Variants in SLC24A3 observed in about 807,000 individuals in gnomAD.
SLC24A3 encodes the protein sodium/potassium/calcium exchanger 3.
Under a neutral mutation model 75.8 loss-of-function variants are expected in SLC24A3, and 28 were observed. The observed-to-expected ratio is 0.37, with a 90% confidence interval of 0.27 to 0.51. The LOEUF (loss-of-function observed/expected upper bound fraction) is 0.51, where lower values mean the gene tolerates loss of function less well. Among genes scored for constraint, SLC24A3 ranks in the 20% least tolerant of loss-of-function variants. The pLI is 0.94. For synonymous variants in SLC24A3, 372 were observed against 334.1 expected, an observed-to-expected ratio of 1.11 and a Z score of -1.24; for missense variants, 663 against 847.8, an observed-to-expected ratio of 0.78 and a Z score of 2.71.
chr20:19,345,383 T>C (rs1985367521), intron 2 of SLC24A3, among the ~76,000 whole-genome samples: 1 of 152,212 alleles, frequency 6.6e-6, no homozygotes, highest in Non-Finnish European at 1.5e-5. Flanking sequence ...ATTTATTTTG[T>C]GGATATCCAC....
At chr20:19,679,835 C>G (rs1317465459) in intron 9 of SLC24A3, among the ~76,000 whole-genome samples, 1 of 151,968 alleles carries the variant, frequency 6.6e-6, no homozygotes, top group Non-Finnish European at 1.5e-5. Flanking sequence ...ATTGGTGGCC[C>G]ATGACTTGCT....
intron 1 of SLC24A3, among the ~76,000 whole-genome samples, chr20:19,223,449 A>G (rs1329721479): frequency 1.3e-5 from 2 of 152,332 alleles, no homozygotes; most frequent in African/African-American, 2.4e-5. Flanking sequence ...TGTTATTTGT[A>G]TGGTAGTCCC....
In SLC24A3 at chr20:19,515,476, T is replaced by C. The variant is rs923136713; in HGVS notation, c.272-12T>C. On this transcript the variant is annotated splice_polypyrimidine_tract_variant and intron_variant, in intron 2 of 16. Coordinates refer to ENST00000328041, the MANE Select transcript of SLC24A3 (RefSeq NM_020689.4). ...ACCTGTGCTGAGACGGTTTTCTTTC[T>C]CTGTTCTTTAGCCCTGCATGAATTC... is the stretch of plus-strand genomic sequence containing the variant. The C allele has an allele frequency of 1.2e-6, 2 of 1,613,980 alleles. No homozygotes were observed. Among genetic ancestry groups the C allele is most frequent in the African/African-American group, 1.3e-5 (1 of 74,936 alleles).
intron 2 of SLC24A3, among the ~76,000 whole-genome samples, chr20:19,478,159 G>T (rs1468885409): frequency 3.9e-5 from 6 of 152,194 alleles, no homozygotes; most frequent in Non-Finnish European, 8.8e-5. Flanking sequence ...AGATGACCTT[G>T]TGTCCCTGGT....
chr20:19,262,556 C>T lies in SLC24A3; in HGVS notation c.143-18403C>T, dbSNP rs147531953. On this transcript the variant is annotated intron_variant, in intron 1 of 16. Coordinates refer to ENST00000328041, the MANE Select transcript of SLC24A3 (RefSeq NM_020689.4). ...GCCACTTACCTCTCCCTGAACCAGTCCCTTTGGTCAAGGAGATGCCATATG... is the reference window on the plus strand; with the variant it reads ...GCCACTTACCTCTCCCTGAACCAGTTCCTTTGGTCAAGGAGATGCCATATG... Among the ~76,000 whole-genome samples, 350 of 152,250 alleles carry T rather than the reference C, an allele frequency of 2.3e-3. 2 individuals are homozygous for T. Among genetic ancestry groups the T allele is most frequent in the African/African-American group, 8.1e-3 (335 of 41,544 alleles).
intron 3 of SLC24A3, among the ~76,000 whole-genome samples, chr20:19,576,549 G>A (rs981872035): frequency 3.9e-5 from 6 of 152,184 alleles, no homozygotes; most frequent in South Asian, 2.1e-4. Flanking sequence ...GGTGCCCAGA[G>A]GTGCTATGTC....
intron 2 of SLC24A3, among the ~76,000 whole-genome samples, chr20:19,499,743 T>C (rs1988355786): frequency 6.6e-6 from 1 of 152,174 alleles, no homozygotes; most frequent in Non-Finnish European, 1.5e-5. Context: ...CCTAGATACT[T>C]GCGTATGCAT....
intron 3 of SLC24A3, among the ~76,000 whole-genome samples, chr20:19,517,800 C>T (rs1273892605): frequency 6.6e-6 from 1 of 152,120 alleles, no homozygotes; most frequent in African/African-American, 2.4e-5. Context: ...GGGAAGAGAC[C>T]CAAGTGGGGC....
intron 13 of SLC24A3, chr20:19,694,615 G>T (rs1366099279): frequency 6.6e-6 from 1 of 152,182 alleles, no homozygotes; most frequent in African/African-American, 2.4e-5. Flanking sequence ...GGGGGACAGT[G>T]TTGGCTGTCC....
intron 6 of SLC24A3, among the ~76,000 whole-genome samples, chr20:19,631,774 CTG>C (rs199635240): frequency 0.031 from 4,342 of 142,052 alleles, 89 homozygotes; most frequent in Non-Finnish European, 0.045. Flanking sequence ...ATCTCTGTAT[CTG>C]TGTGTATGAG....
At chr20:19,717,683 G>A (rs1300197993) in intron 16 of SLC24A3, 90 bp downstream of exon 16, 2 of 1,448,474 alleles carry the variant, frequency 1.4e-6, no homozygotes, top group African/African-American at 2.8e-5. Flanking sequence ...TGGTCTCCTG[G>A]TGACTGGGTA....
intron 2 of SLC24A3, among the ~76,000 whole-genome samples, chr20:19,334,534 C>T (rs1472744368): frequency 6.6e-6 from 1 of 152,064 alleles, no homozygotes; most frequent in Non-Finnish European, 1.5e-5. Context: ...GTAAAGTTGG[C>T]TAGTTTTCAA....
chr20:19,433,921 G>T (rs1318314400), intron 2 of SLC24A3, among the ~76,000 whole-genome samples: 1 of 152,196 alleles, frequency 6.6e-6, no homozygotes, highest in East Asian at 1.9e-4. Flanking sequence ...CCAAAGTGGG[G>T]AGTGAGAGTC....
rs1329325270 is a variant in SLC24A3 at position 19,698,651 on chromosome 20, CA to C, written c.1691del (p.Gln564ArgfsTer13). The C allele has an allele frequency of 6.3e-7, 1 of 1,590,290 alleles. No homozygotes were observed. The highest frequency in any genetic ancestry group is 8.6e-7 in the Non-Finnish European group (1 of 1,166,232). ...LIGLGLPWALQTLAVDYGSYI... is the reference protein window; with the variant it reads ...LIGLGLPWALXTLAVDYGSYI... ...TGGCCTCGGTCTCCCCTGGGCTCTG[CA>C]GACCCTGGCTGTGGATTACGGATCC... On this transcript the variant is annotated frameshift_variant, in exon 15 of 17. Transcript: ENST00000328041. LOFTEE classifies it high-confidence loss of function.
chr20:19,596,691 T>C (rs1249472624), intron 6 of SLC24A3, among the ~76,000 whole-genome samples: 1 of 152,200 alleles, frequency 6.6e-6, no homozygotes, highest in Non-Finnish European at 1.5e-5. Flanking sequence ...CTTCTAGGAC[T>C]TCAGATACGG....
At chr20:19,502,133 A>C (rs1015009748) in intron 2 of SLC24A3, among the ~76,000 whole-genome samples, 1 of 152,112 alleles carries the variant, frequency 6.6e-6, no homozygotes, top group Non-Finnish European at 1.5e-5. Context: ...AAACCTCCCC[A>C]AGGTGTGTAG....
intron 2 of SLC24A3, among the ~76,000 whole-genome samples, chr20:19,394,421 A>G (rs906810719): frequency 6.6e-6 from 1 of 152,170 alleles, no homozygotes; most frequent in Non-Finnish European, 1.5e-5. Context: ...TGAAAAGGCA[A>G]CCTACAGAGT....
chr20:19,380,116 G>A (rs6046031), intron 2 of SLC24A3, among the ~76,000 whole-genome samples: 4,247 of 152,218 alleles, frequency 0.028, 201 homozygotes, highest in African/African-American at 0.096. Flanking sequence ...TTTAGAAAAG[G>A]TTTGTAAGTG....
intron 6 of SLC24A3, among the ~76,000 whole-genome samples, chr20:19,596,104 G>A (rs910954149): frequency 2.6e-5 from 4 of 152,140 alleles, no homozygotes; most frequent in Admixed American, 2.0e-4. Flanking sequence ...GGGAAGCTAC[G>A]GGAGAGTTTT....
Sources: allele counts gnomAD v4.1 joint callset (sites outside exome capture counted in the v4.1 genomes callset), GRCh38; gene constraint gnomAD v4.1.1; transcripts MANE v1.5; gene names NCBI Gene and HGNC (gene_info 2026-07-23, HGNC 2026-07-21).